Variants in STMN1 observed in about 807,000 individuals in gnomAD.
STMN1 encodes stathmin.
A neutral mutation model predicts 19.7 loss-of-function variants in STMN1; 3 were observed. The observed-to-expected ratio is 0.15, with a 90% CI of 0.07 to 0.39. The LOEUF (loss-of-function observed/expected upper bound fraction) is 0.39. Among genes scored for constraint, STMN1 ranks in the 10% least tolerant of loss-of-function variants. STMN1 has a pLI of 1.00. For synonymous variants in STMN1, 59 were observed against 58.9 expected (o/e 1.00, Z -0.01); for missense variants, 99 against 176.0 (o/e 0.56, Z 2.48).
intron 4 of STMN1, 174 bp downstream of exon 4, chr1:25,901,317 A>C: frequency 9.0e-7 from 1 of 1,116,076 alleles, no homozygotes. Context: ...CTGTGCAATT[A>C]TGCTGGGAAT....
chr1:25,891,153 T>C (rs780929794), intron 4 of STMN1, among the ~76,000 whole-genome samples: 1 of 151,858 alleles, frequency 6.6e-6, no homozygotes, highest in African/African-American at 2.4e-5. Context: ...ACCAACATGG[T>C]GAAACCCCAT....
intron 4 of STMN1, 161 bp downstream of exon 4, chr1:25,901,330 C>A (rs974137340): frequency 1.8e-6 from 2 of 1,141,124 alleles, no homozygotes; most frequent in Non-Finnish European, 2.4e-6. Context: ...CTGGGAATTA[C>A]TGAATATTCC....
intron 3 of STMN1, chr1:25,903,151 G>T (rs958020664): frequency 1.3e-5 from 2 of 152,216 alleles, no homozygotes; most frequent in African/African-American, 4.8e-5. Flanking sequence ...CTTTATAATA[G>T]AATTGTTTAG....
chr1:25,887,380 C>T (rs528687530), intron 4 of STMN1: 11 of 298,278 alleles, frequency 3.7e-5, no homozygotes, highest in South Asian at 1.7e-4. Flanking sequence ...CCCTCAATCC[C>T]GAAGCTTTCC....
chr1:25,887,049 A>G (rs1369507361), intron 4 of STMN1, among the ~76,000 whole-genome samples: 1 of 152,090 alleles, frequency 6.6e-6, no homozygotes, highest in Non-Finnish European at 1.5e-5. Flanking sequence ...TTATCCTACC[A>G]GACCCATTAT....
chr1:25,900,988 TG>T lies in STMN1; in HGVS notation c.*27del, dbSNP rs762324441. The T allele has an allele frequency of 6.2e-7, 1 of 1,611,460 alleles. No homozygotes were observed. The highest frequency in any genetic ancestry group is 1.1e-5 in the South Asian group (1 of 90,608). On this transcript the variant is annotated 3_prime_UTR_variant, in exon 5 of 5. Transcript: ENST00000455785. Reference sequence around the variant, plus strand: ...AGTCTTTGGATATTTAGGAAGGGGATGGGGAGAAAGTCAGTTCTCAGAACAA... The same window carrying T: ...AGTCTTTGGATATTTAGGAAGGGGATGGGAGAAAGTCAGTTCTCAGAACAA...
At chr1:25,895,673 G>C (rs962396750), downstream of STMN1, among the ~76,000 whole-genome samples, 5 of 152,200 alleles carry the variant, frequency 3.3e-5, no homozygotes, top group African/African-American at 9.6e-5. Flanking sequence ...TTCAAGATAA[G>C]CTTGAAATCA....
intron 4 of STMN1, among the ~76,000 whole-genome samples, chr1:25,886,077 G>A (rs960590163): frequency 6.6e-6 from 1 of 152,222 alleles, no homozygotes; most frequent in African/African-American, 2.4e-5. Flanking sequence ...TAGGCATCTG[G>A]ATTTTTAACG....
At chr1:25,889,197 C>G (rs2048751115) in intron 4 of STMN1, 1 of 301,556 alleles carries the variant, frequency 3.3e-6, no homozygotes, top group Non-Finnish European at 6.5e-6. Flanking sequence ...TCACCGTTAT[C>G]TGCAGTTAGA....
chr1:25,886,916 G>A (rs1279754547), intron 4 of STMN1, among the ~76,000 whole-genome samples: 1 of 151,902 alleles, frequency 6.6e-6, no homozygotes, highest in African/African-American at 2.4e-5. Flanking sequence ...CTCAACTCCT[G>A]CTTCTCATCT....
At chr1:25,892,503 T>C (rs989792002) in intron 4 of STMN1, 63 of 985,208 alleles carry the variant, frequency 6.4e-5, no homozygotes, top group Non-Finnish European at 2.7e-5. Flanking sequence ...AACCAGTTCT[T>C]TCTCTCTTAC....
intron 4 of STMN1, among the ~76,000 whole-genome samples, chr1:25,892,164 C>T (rs1301099733): frequency 2.0e-5 from 3 of 152,142 alleles, no homozygotes; most frequent in Middle Eastern, 3.2e-3. Context: ...CCGAGGTGGG[C>T]GAATCACCTG....
At position 25,904,694 on chromosome 1, in the gene STMN1, C is replaced by G; in HGVS notation, c.-18G>C. 1.2e-6 allele frequency: 2 copies of G among 1,613,470 alleles called. No individual in the cohort carries two copies. The highest frequency in any genetic ancestry group is 1.1e-5 in the South Asian group (1 of 90,900). The stretch of plus-strand genomic sequence containing the variant: ...GAAGCCATGGTGAATAGAAGACAAG[C>G]GACAGGCAGTGTATTCTGCACAATC... On this transcript the variant is annotated 5_prime_UTR_variant, in exon 2 of 5. Coordinates refer to ENST00000455785, the MANE Select transcript of STMN1 (RefSeq NM_005563.4).
At chr1:25,887,307 G>A (rs1471130978) in intron 4 of STMN1, 1 of 175,576 alleles carries the variant, frequency 5.7e-6, no homozygotes, top group Non-Finnish European at 1.2e-5. Context: ...AGGGGTACAG[G>A]AAAAGGGGCC....
downstream of STMN1, among the ~76,000 whole-genome samples, chr1:25,895,730 C>A (rs113875649): frequency 7.9e-4 from 120 of 152,346 alleles, no homozygotes; most frequent in African/African-American, 2.7e-3. Context: ...TAAAACACAG[C>A]ATGGGCTGAA....
At position 25,905,616 on chromosome 1, in the gene STMN1, G is replaced by C. The variant is rs1193883951; in HGVS notation, c.-63+773C>G. On this transcript the variant is annotated intron_variant, in intron 1 of 4. Coordinates refer to ENST00000455785, the MANE Select transcript of STMN1 (RefSeq NM_005563.4). Reference sequence around the variant, plus strand: ...GAATCTCCCCGAACTCAACACCCCGGAGCCCGCGCGCGTGGGAAGGGGAGG... The same window carrying C: ...GAATCTCCCCGAACTCAACACCCCGCAGCCCGCGCGCGTGGGAAGGGGAGG... 3 of 152,220 alleles carry C rather than the reference G, an allele frequency of 2.0e-5. No individual in the cohort carries two copies. The East Asian group carries it at 5.8e-4, about 29-fold the overall frequency. 9.4% of individuals were successfully genotyped at this position (152,220 alleles called of 1,614,324 possible). A position where few individuals can be genotyped will look rare whatever the true frequency, so the allele number is the denominator to read the frequency against.
intron 4 of STMN1, among the ~76,000 whole-genome samples, chr1:25,892,797 G>C (rs565600694): frequency 1.3e-5 from 2 of 152,224 alleles, no homozygotes; most frequent in East Asian, 3.9e-4. Flanking sequence ...TTTCTAGCCC[G>C]GGTGGGAGCC....
intron 4 of STMN1, chr1:25,887,480 C>A (rs1292964234): frequency 2.8e-6 from 1 of 359,578 alleles, no homozygotes; most frequent in Admixed American, 3.5e-5. Flanking sequence ...GCTACATGAA[C>A]ATGCAGCTTG....
chr1:25,886,824 G>T (rs901628953), intron 4 of STMN1, among the ~76,000 whole-genome samples: 13 of 152,114 alleles, frequency 8.5e-5, no homozygotes, highest in South Asian at 8.3e-4. Flanking sequence ...TTGAACTCGT[G>T]ATCTGCCTGC....
Sources: allele counts gnomAD v4.1 joint callset (sites outside exome capture counted in the v4.1 genomes callset), GRCh38; gene constraint gnomAD v4.1.1; transcripts MANE v1.5; gene names NCBI Gene and HGNC (gene_info 2026-07-23, HGNC 2026-07-21).